The following GM2A variants were observed in gnomAD, a reference collection of about 807,000 sequenced individuals.
The protein encoded by GM2A is GM2 ganglioside activator.
A neutral mutation model predicts 12.9 loss-of-function variants in GM2A; 7 were observed. The observed-to-expected ratio is 0.54, with a 90% CI of 0.31 to 1.02. The LOEUF is 1.02. Ranked by LOEUF, GM2A falls within the 50% of genes least tolerant of loss-of-function variation. The pLI is 0.05. For missense variants in GM2A, 246 were observed against 241.0 expected, an observed-to-expected ratio of 1.02 and a Z score of -0.14; for synonymous variants, 101 against 96.0, an observed-to-expected ratio of 1.05 and a Z score of -0.30.
intron 2 of GM2A, among the ~76,000 whole-genome samples, chr5:151,263,053 C>T (rs1753824825): frequency 1.3e-5 from 2 of 151,462 alleles, no homozygotes; most frequent in Admixed American, 6.6e-5. Flanking sequence ...AAAAATTAGC[C>T]TCAGATCCCC....
At position 151,267,695 on chromosome 5, in the gene GM2A, C is replaced by CGTTA; in HGVS notation, c.*245_*248dup. 7.0e-7 allele frequency: 1 copy of CGTTA among 1,435,352 alleles called. No homozygotes were observed. 88.9% of individuals were successfully genotyped at this position (1,435,352 alleles called of 1,614,324 possible). A position where few individuals can be genotyped will look rare whatever the true frequency, so the allele number is the denominator to read the frequency against. ...CCCAGGGCATCTGCTGGGCTGACCA[C>CGTTA]GTTACTCATCCCCGTTAACATTCTC... On this transcript the variant is annotated 3_prime_UTR_variant, in exon 4 of 4. Transcript: ENST00000357164.
intron 2 of GM2A, among the ~76,000 whole-genome samples, chr5:151,265,628 G>T (rs1753869371): frequency 6.6e-6 from 1 of 152,220 alleles, no homozygotes; most frequent in Non-Finnish European, 1.5e-5. Flanking sequence ...GGCACTAGAG[G>T]CAACTAACAC....
chr5:151,256,325 C>T (rs944434212), intron 1 of GM2A, among the ~76,000 whole-genome samples: 1 of 152,034 alleles, frequency 6.6e-6, no homozygotes, highest in Non-Finnish European at 1.5e-5. Flanking sequence ...TGCAGCAGGG[C>T]GTGGTGGTTC....
intron 1 of GM2A, among the ~76,000 whole-genome samples, chr5:151,256,608 GAAAAAAA>G (rs60009533): frequency 8.2e-6 from 1 of 121,654 alleles, no homozygotes; most frequent in Non-Finnish European, 1.7e-5. Context: ...TCTGTCTCAA[GAAAAAAA>G]AAAAAAAAAG....
intron 1 of GM2A, among the ~76,000 whole-genome samples, chr5:151,253,514 CT>C (rs1379302079): frequency 6.6e-6 from 1 of 152,174 alleles, no homozygotes; most frequent in Non-Finnish European, 1.5e-5. Flanking sequence ...AGAGATTAAT[CT>C]CACGTCTGCA....
intron 1 of GM2A, among the ~76,000 whole-genome samples, chr5:151,253,982 A>G (rs1178733413): frequency 6.6e-6 from 1 of 152,136 alleles, no homozygotes. Flanking sequence ...AGCTAGCCCA[A>G]TGTCTTTCAG....
At chr5:151,258,091 A>G (rs185997274) in intron 1 of GM2A, among the ~76,000 whole-genome samples, 5 of 152,382 alleles carry the variant, frequency 3.3e-5, no homozygotes, top group Admixed American at 2.6e-4. Flanking sequence ...GGAAACATTT[A>G]GTGGCAACTA....
At chr5:151,265,369 AG>A (rs1753865257) in intron 2 of GM2A, among the ~76,000 whole-genome samples, 1 of 152,236 alleles carries the variant, frequency 6.6e-6, no homozygotes. Flanking sequence ...GCAGCCTCTT[AG>A]GACATAAGTG....
In GM2A at chr5:151,268,493, A is replaced by G. The variant is rs1753941373; in HGVS notation, c.*1042A>G. 3.0e-6 allele frequency: 3 copies of G among 985,430 alleles called. No homozygotes were observed. In the South Asian group the frequency reaches 1.4e-4, roughly 46 times the overall value. 61.0% of individuals were successfully genotyped at this position (985,430 alleles called of 1,614,324 possible). On this transcript the variant is annotated 3_prime_UTR_variant, in exon 4 of 4. Coordinates refer to ENST00000357164, the MANE Select transcript of GM2A (RefSeq NM_000405.5). ...TTAAAGATGCTATTACAATGTAAATATTTCTTACACAGAAAGTCACAGCAC... is the reference window on the plus strand; with the variant it reads ...TTAAAGATGCTATTACAATGTAAATGTTTCTTACACAGAAAGTCACAGCAC...
chr5:151,269,159 A>G lies in GM2A; in HGVS notation c.*1708A>G, dbSNP rs1469616524. 3 of 985,310 alleles carry G rather than the reference A, an allele frequency of 3.0e-6. No individual in the cohort carries two copies. The African/African-American group carries it at 5.2e-5, about 17-fold the overall frequency. The allele number at this position is 985,310 out of a possible 1,614,324, so 61.0% of individuals were successfully genotyped here. ...TTTTTCTACCACCCTGTTACATCAT[A>G]ACAACTTCTGAAACACACACCAGCC... On this transcript the variant is annotated 3_prime_UTR_variant, in exon 4 of 4. Transcript: ENST00000357164.
chr5:151,266,591 A>G (rs1273720890), intron 2 of GM2A, 140 bp from the exon 3 acceptor site: 3 of 694,928 alleles, frequency 4.3e-6, no homozygotes, highest in Admixed American at 4.2e-5. Context: ...AGAACAGACT[A>G]TCTCTAAGAT....
rs762798717 is a variant in GM2A at position 151,267,545 on chromosome 5, C to G, written c.*94C>G. ...AAGGCCAAACTCCCACTCTCTGCCC[C>G]CCTTTAATCCCCTTTCTACAGTGAG... On this transcript the variant is annotated 3_prime_UTR_variant, in exon 4 of 4. Coordinates refer to ENST00000357164, the MANE Select transcript of GM2A (RefSeq NM_000405.5). 5.1e-6 allele frequency: 8 copies of G among 1,575,876 alleles called. No individual in the cohort carries two copies. The highest frequency in any genetic ancestry group is 4.6e-5 in the East Asian group (2 of 43,492).
chr5:151,265,879 C>A (rs1343792679), intron 2 of GM2A, among the ~76,000 whole-genome samples: 1 of 152,220 alleles, frequency 6.6e-6, no homozygotes, highest in East Asian at 1.9e-4. Context: ...TGTAACCTAG[C>A]TATGATTTTA....
chr5:151,266,447 C>CAAAAAAAAAAA lies in GM2A; in HGVS notation c.244-279_244-269dup, dbSNP rs59997121. On this transcript the variant is annotated intron_variant, in intron 2 of 3. Coordinates refer to ENST00000357164, the MANE Select transcript of GM2A (RefSeq NM_000405.5). ...GCAGTGAGTGCAGTGAGCCATGATA[C>CAAAAAAAAAAA]AAAAAAAAAAAAAAAGAATTCTAAG... is the stretch of plus-strand genomic sequence containing the variant. Among the ~76,000 whole-genome samples the CAAAAAAAAAAA allele has an allele frequency of 1.9e-3, 198 of 106,028 alleles. 4 individuals carry two copies. The highest frequency in any genetic ancestry group is 2.6e-3 in the Non-Finnish European group (135 of 52,176). The allele number at this position is 106,028 out of a possible 152,430, so 69.6% of individuals were successfully genotyped here. A position where few individuals can be genotyped will look rare whatever the true frequency, so the allele number is the denominator to read the frequency against.
Position 151,268,448 on chromosome 5 carries a change from A to G in GM2A, c.*997A>G. ...ATTACAGGCATGAGCCACTACACCC[A>G]GCCGATTTTTCCTTTTTGATTAAAG... On this transcript the variant is annotated 3_prime_UTR_variant, in exon 4 of 4. Coordinates refer to ENST00000357164, the MANE Select transcript of GM2A (RefSeq NM_000405.5). 1 of 985,216 alleles carries G rather than the reference A, an allele frequency of 1.0e-6. No homozygotes were observed. The highest frequency in any genetic ancestry group is 4.7e-5 in the South Asian group (1 of 21,280). The allele number at this position is 985,216 out of a possible 1,614,324, so 61.0% of individuals were successfully genotyped here.
At chr5:151,264,745 C>G (rs777502060) in intron 2 of GM2A, among the ~76,000 whole-genome samples, 1 of 151,988 alleles carries the variant, frequency 6.6e-6, no homozygotes, top group Non-Finnish European at 1.5e-5. Context: ...CTTGGGAGGC[C>G]GAGGCGGGTG....
chr5:151,261,991 G>A (rs987601727), intron 2 of GM2A, among the ~76,000 whole-genome samples: 2 of 152,076 alleles, frequency 1.3e-5, no homozygotes, highest in South Asian at 2.1e-4. Context: ...CACTTTTTAG[G>A]TCTTTTGATA....
intron 2 of GM2A, 98 bp downstream of exon 2, chr5:151,260,014 T>TC: frequency 1.2e-6 from 1 of 851,038 alleles, no homozygotes; most frequent in Non-Finnish European, 1.8e-6. Flanking sequence ...AATTTCAGAA[T>TC]CCTGGATTCC....
intron 1 of GM2A, among the ~76,000 whole-genome samples, chr5:151,257,660 G>C (rs534774893): frequency 3.3e-5 from 5 of 152,250 alleles, no homozygotes; most frequent in Admixed American, 3.3e-4. Context: ...AGCTTGTGGG[G>C]TCCTGCATTA....
Sources: gnomAD v4.1 joint callset for allele counts (sites outside exome capture counted in the v4.1 genomes callset) on GRCh38, gnomAD v4.1.1 for gene constraint, MANE v1.5 for transcripts, NCBI Gene and HGNC (gene_info 2026-07-23, HGNC 2026-07-21) for gene names.